RAP1GAP: variants seen among roughly 807,000 people sequenced by gnomAD.
RAP1GAP encodes rap1 GTPase-activating protein 1.
Under a neutral mutation model 87.2 loss-of-function variants are expected in RAP1GAP, and 35 were observed. That is an observed-to-expected ratio of 0.40 (90% CI 0.31 to 0.53). RAP1GAP has a LOEUF of 0.53. RAP1GAP is among the 20% of genes least tolerant of loss of function. RAP1GAP has a pLI of 0.48. For missense variants in RAP1GAP, 734 were observed against 898.9 expected, an observed-to-expected ratio of 0.82 and a Z score of 2.35; for synonymous variants, 375 against 363.9, an observed-to-expected ratio of 1.03 and a Z score of -0.35.
intron 1 of RAP1GAP, among the ~76,000 whole-genome samples, chr1:21,663,478 C>T (rs970290290): frequency 1.4e-4 from 22 of 152,298 alleles, no homozygotes; most frequent in East Asian, 7.7e-4. Context: ...GGGTCCCTGA[C>T]GCTGCCAACT....
intron 1 of RAP1GAP, among the ~76,000 whole-genome samples, chr1:21,664,115 G>T (rs1274935436): frequency 1.3e-5 from 2 of 152,214 alleles, no homozygotes; most frequent in Admixed American, 1.3e-4. Flanking sequence ...GGAACACAAG[G>T]TTCCTGACTT....
In RAP1GAP at chr1:21,611,949, G is replaced by A. The variant is rs532336591; in HGVS notation, c.612+77C>T. On this transcript the variant is annotated intron_variant, in intron 11 of 24. Coordinates refer to ENST00000374765, the MANE Select transcript of RAP1GAP (RefSeq NM_002885.4). ...TGGGCTCCTGAGTCCCTTGGCCGGT[G>A]TGCTGCCCTGGAAAAGGTGTGAGGC... The A allele has an allele frequency of 4.3e-5, 63 of 1,481,012 alleles. No individual in the cohort carries two copies. The African/African-American group carries it at 7.9e-4, about 19-fold the overall frequency. 91.7% of individuals were successfully genotyped at this position (1,481,012 alleles called of 1,614,324 possible).
chr1:21,603,540 G>A lies in RAP1GAP; in HGVS notation c.1429-627C>T, dbSNP rs2071078286. On this transcript the variant is annotated intron_variant, in intron 18 of 24. Coordinates refer to ENST00000374765, the MANE Select transcript of RAP1GAP (RefSeq NM_002885.4). This position sits in a 1 kb window ranked among gnomAD's most constrained non-coding sequence, Gnocchi z 6.0. Reference sequence around the variant, plus strand: ...ATGCAGACCGGCGATATTGGGGGACGTGCGGCTGGGTGTAGGGCCTTTGGG... The same window carrying A: ...ATGCAGACCGGCGATATTGGGGGACATGCGGCTGGGTGTAGGGCCTTTGGG... 1.6e-6 allele frequency: 1 copy of A among 606,564 alleles called. No homozygotes were observed. The highest frequency in any genetic ancestry group is 2.8e-5 in the Admixed American group (1 of 35,242). The allele number at this position is 606,564 out of a possible 1,614,324, so 37.6% of individuals were successfully genotyped here.
At position 21,634,327 on chromosome 1, in the gene RAP1GAP, C is replaced by T. The variant is rs927595017; in HGVS notation, c.-112-7930G>A. Among the ~76,000 whole-genome samples the T allele has an allele frequency of 2.0e-5, 3 of 152,160 alleles. No homozygotes were observed. The highest frequency in any genetic ancestry group is 6.5e-5 in the Admixed American group (1 of 15,282). ...ACCTCTCCTAGGACTCTAGAGGGAG[C>T]GTGGCGATGGGGTAGAGGAGCGGCA... On this transcript the variant is annotated intron_variant, in intron 2 of 24. Transcript: ENST00000374765. The surrounding 1 kb of genome is among the most constrained non-coding windows in gnomAD (Gnocchi z 4.1).
In RAP1GAP at chr1:21,622,726, G is replaced by A. The variant is rs1318532090; in HGVS notation, c.-18-2676C>T. 1.3e-5 allele frequency among the ~76,000 whole-genome samples: 2 copies of A among 151,668 alleles called. No individual in the cohort carries two copies. Among genetic ancestry groups the A allele is most frequent in the Admixed American group, 1.3e-4 (2 of 15,260 alleles). ...CCCGAGCGCTAGAAGCTTTGGGTGC[G>A]TCGGGCTCCCCGAGGGGGCCCCCCA... On this transcript the variant is annotated intron_variant, in intron 3 of 24. Coordinates refer to ENST00000374765, the MANE Select transcript of RAP1GAP (RefSeq NM_002885.4). The surrounding 1 kb of genome is among the most constrained non-coding windows in gnomAD (Gnocchi z 5.7).
intron 1 of RAP1GAP, among the ~76,000 whole-genome samples, chr1:21,652,366 A>T (rs974251323): frequency 6.6e-6 from 1 of 152,206 alleles, no homozygotes; most frequent in Non-Finnish European, 1.5e-5. Context: ...TCACGCACGT[A>T]AAGCGCTCGG....
chr1:21,626,517 T>C (rs1050603743), intron 2 of RAP1GAP, 120 bp from the exon 3 acceptor site: 1 of 802,314 alleles, frequency 1.2e-6, no homozygotes, highest in South Asian at 1.5e-5. Flanking sequence ...GAGGAGAGGG[T>C]CATGGGTTCC....
rs572131857 is a variant in RAP1GAP at position 21,615,252 on chromosome 1, C to G, written c.292-1163G>C. On this transcript the variant is annotated intron_variant, in intron 7 of 24. Transcript: ENST00000374765. The surrounding 1 kb of genome is among the most constrained non-coding windows in gnomAD (Gnocchi z 4.5). ...ACGCCCAAAGTCATCCTAACCTCCC[C>G]TCTCTGCCAGGATAGGGCCCAGTGC... 5.9e-5 allele frequency among the ~76,000 whole-genome samples: 9 copies of G among 152,214 alleles called. No homozygotes were observed. Among genetic ancestry groups the G allele is most frequent in the Admixed American group, 2.6e-4 (4 of 15,286 alleles).
chr1:21,618,142 G>GC (rs2083566413), intron 5 of RAP1GAP, among the ~76,000 whole-genome samples, 170 bp from the exon 6 acceptor site: 2 of 152,204 alleles, frequency 1.3e-5, no homozygotes, highest in African/African-American at 4.8e-5. Context: ...CTGAGTGCTG[G>GC]CATCTTCTGG....
In RAP1GAP at chr1:21,613,765, C is replaced by T; in HGVS notation, c.396-59G>A. 6.7e-7 allele frequency: 1 copy of T among 1,496,676 alleles called. No homozygotes were observed. Among genetic ancestry groups the T allele is most frequent in the Admixed American group, 1.7e-5 (1 of 59,788 alleles). The allele number at this position is 1,496,676 out of a possible 1,614,324, so 92.7% of individuals were successfully genotyped here. ...GCAGCAGGACAGGAAAATGGGAACCCCACCCCCCACAAAGTAAGGCCAGAA... is the reference window on the plus strand; with the variant it reads ...GCAGCAGGACAGGAAAATGGGAACCTCACCCCCCACAAAGTAAGGCCAGAA... On this transcript the variant is annotated intron_variant, in intron 8 of 24. Transcript: ENST00000374765. This position sits in a 1 kb window ranked among gnomAD's most constrained non-coding sequence, Gnocchi z 4.7.
chr1:21,603,223 G>C lies in RAP1GAP; in HGVS notation c.1429-310C>G. On this transcript the variant is annotated intron_variant, in intron 18 of 24. Transcript: ENST00000374765. The surrounding 1 kb of genome is among the most constrained non-coding windows in gnomAD (Gnocchi z 6.0). ...GTCCTCAGAATGGCTACCGCTCCCCGCCCCCCAGGGCTCTGTGGGATCTGC... is the reference window on the plus strand; with the variant it reads ...GTCCTCAGAATGGCTACCGCTCCCCCCCCCCCAGGGCTCTGTGGGATCTGC... 1 of 403,082 alleles carries C rather than the reference G, an allele frequency of 2.5e-6. No individual in the cohort carries two copies. The highest frequency in any genetic ancestry group is 4.5e-6 in the Non-Finnish European group (1 of 222,926). 25.0% of individuals were successfully genotyped at this position (403,082 alleles called of 1,614,324 possible). A position where few individuals can be genotyped will look rare whatever the true frequency, so the allele number is the denominator to read the frequency against.
At chr1:21,618,433 C>T (rs2083847009) in intron 5 of RAP1GAP, among the ~76,000 whole-genome samples, 1 of 152,194 alleles carries the variant, frequency 6.6e-6, no homozygotes, top group Admixed American at 6.5e-5. Context: ...TCTAGGGTCT[C>T]TGGGATCTCT....
intron 7 of RAP1GAP, among the ~76,000 whole-genome samples, chr1:21,616,411 G>A (rs1570733806): frequency 6.6e-6 from 1 of 152,338 alleles, no homozygotes; most frequent in East Asian, 1.9e-4. Flanking sequence ...CCATGTGCCA[G>A]GTGTGGTTCT....
At chr1:21,666,014 G>A (rs1174252495) in intron 1 of RAP1GAP, among the ~76,000 whole-genome samples, 1 of 152,244 alleles carries the variant, frequency 6.6e-6, no homozygotes, top group East Asian at 1.9e-4. Context: ...GAGGGAAAAT[G>A]ACTTGTCCGG....
intron 2 of RAP1GAP, among the ~76,000 whole-genome samples, chr1:21,642,533 C>T (rs1432673406): frequency 6.6e-6 from 1 of 152,156 alleles, no homozygotes; most frequent in African/African-American, 2.4e-5. Flanking sequence ...CCAGGGCTTC[C>T]ACAGCCCTGC....
chr1:21,645,072 G>T (rs1401911769), intron 2 of RAP1GAP, among the ~76,000 whole-genome samples: 1 of 152,168 alleles, frequency 6.6e-6, no homozygotes, highest in East Asian at 1.9e-4. Context: ...AGCTCTCTGA[G>T]TATAGCGGCT....
chr1:21,660,339 C>CTATTTATATATATATATATATATA (rs563814821), intron 1 of RAP1GAP, among the ~76,000 whole-genome samples: 2,481 of 52,302 alleles, frequency 0.047, 192 homozygotes, highest in Non-Finnish European at 0.065. Context: ...TCCAACTCAG[C>CTATTTATATATATATATATATATA]TATATATATT....
chr1:21,637,972 CAAAA>C (rs35411110), intron 2 of RAP1GAP, among the ~76,000 whole-genome samples: 1 of 70,140 alleles, frequency 1.4e-5, no homozygotes, highest in South Asian at 5.5e-4. Context: ...CCATCTCTAC[CAAAA>C]AAAAAAAAAA....
intron 1 of RAP1GAP, among the ~76,000 whole-genome samples, chr1:21,655,839 C>T (rs1475455393): frequency 6.6e-6 from 1 of 152,224 alleles, no homozygotes; most frequent in African/African-American, 2.4e-5. Flanking sequence ...CCTCCAGCTC[C>T]CCCTTTCCAG....
Sources: allele counts gnomAD v4.1 joint callset (sites outside exome capture counted in the v4.1 genomes callset), GRCh38; gene constraint gnomAD v4.1.1; non-coding constraint Gnocchi (gnomAD v3.1); transcripts MANE v1.5; gene names NCBI Gene and HGNC (gene_info 2026-07-23, HGNC 2026-07-21).